Variants in TRIM34 observed in about 807,000 individuals in gnomAD.
TRIM34 encodes the protein tripartite motif containing 34, also known as E3 ubiquitin-protein ligase TRIM34.
A neutral mutation model predicts 38.1 loss-of-function variants in TRIM34; 41 were observed. The observed-to-expected ratio is 1.08, with a 90% CI of 0.84 to 1.40. The LOEUF (loss-of-function observed/expected upper bound fraction) is 1.40, where lower values mean the gene tolerates loss of function less well. Among genes scored for constraint, TRIM34 ranks in the 40% most tolerant of loss-of-function variants. The probability of loss-of-function intolerance (pLI) is 0.00; values close to 1 mark genes in which losing one functional copy is unlikely to be tolerated. For synonymous variants in TRIM34, 200 were observed against 202.5 expected (o/e 0.99, Z 0.10); for missense variants, 556 against 571.4 (o/e 0.97, Z 0.27).
chr11:5,641,909 C>T (rs1028243917), intron 5 of TRIM34, among the ~76,000 whole-genome samples: 3 of 152,178 alleles, frequency 2.0e-5, no homozygotes, highest in East Asian at 1.9e-4. Context: ...AAATATGCGC[C>T]ATTCCACTGG....
intron 4 of TRIM34, among the ~76,000 whole-genome samples, chr11:5,640,200 C>T (rs1849946207): frequency 6.6e-6 from 1 of 152,104 alleles, no homozygotes; most frequent in African/African-American, 2.4e-5. Context: ...CTTTTCTGAT[C>T]TTCGGGAAAA....
At chr11:5,620,376 A>G (rs1272237143), upstream of TRIM34, among the ~76,000 whole-genome samples, 1 of 150,718 alleles carries the variant, frequency 6.6e-6, no homozygotes, top group African/African-American at 2.4e-5. Flanking sequence ...ACGGGGTTTC[A>G]CCATGTTGGC....
intron 4 of TRIM34, among the ~76,000 whole-genome samples, chr11:5,635,405 C>T (rs1849694160): frequency 6.6e-6 from 1 of 152,030 alleles, no homozygotes; most frequent in African/African-American, 2.4e-5. Flanking sequence ...CAGGCACCCA[C>T]CACCACGTCT....
chr11:5,643,790 C>T lies in TRIM34; in HGVS notation c.*81C>T. ...CTCATCTGCAACATTCACACCATTG[C>T]TTCCTTGTGGTTTCCCTTCTTTAGA... is the stretch of plus-strand genomic sequence containing the variant. On this transcript the variant is annotated 3_prime_UTR_variant, in exon 8 of 8. Transcript: ENST00000429814. 1 of 1,498,772 alleles carries T rather than the reference C, an allele frequency of 6.7e-7. No individual in the cohort carries two copies. The highest frequency in any genetic ancestry group is 8.9e-7 in the Non-Finnish European group (1 of 1,124,090). The allele number at this position is 1,498,772 out of a possible 1,614,324, so 92.8% of individuals were successfully genotyped here.
At position 5,643,151 on chromosome 11, in the gene TRIM34, C is replaced by A; in HGVS notation, c.909C>A (p.Val303=). The A allele has an allele frequency of 1.3e-6, 2 of 1,496,384 alleles. No homozygotes were observed. The highest frequency in any genetic ancestry group is 2.9e-5 in the South Asian group (2 of 69,180). 92.7% of individuals were successfully genotyped at this position (1,496,384 alleles called of 1,614,324 possible). A position where few individuals can be genotyped will look rare whatever the true frequency, so the allele number is the denominator to read the frequency against. The change falls in exon 8 of 8, where the codon GTC becomes GTA. Residue 303 remains valine, a synonymous_variant. Coordinates refer to ENST00000429814, the MANE Select transcript of TRIM34 (RefSeq NM_021616.6). ...LTAVRCYWVD[V]TLNSVNLNLN... ...TTTTTTTTTTTCTTGCAGTGGATGT[C>A]ACACTGAATTCAGTCAACCTAAATT...
In TRIM34 at chr11:5,643,516, C is replaced by A. The variant is rs148404455; in HGVS notation, c.1274C>A (p.Ser425Tyr). The A allele has an allele frequency of 8.2e-4, 1,320 of 1,614,182 alleles. 16 individuals are homozygous for A. In the South Asian group the frequency reaches 0.011, roughly 13 times the overall value. ...TCTGATCCCGAGGTTTTGACTCTCT[C>A]CATGGCTGTGCCTCCCTGCCGTGTT... The part of the protein sequence containing the change: ...LSSDPEVLTL[S>Y]MAVPPCRVGV... The change falls in exon 8 of 8, where the codon TCC (serine) becomes TAC (tyrosine). Residue 425 changes from serine to tyrosine, a missense_variant. Transcript: ENST00000429814.
Position 5,643,259 on chromosome 11 carries a change from G to A in TRIM34, c.1017G>A (p.Leu339=). 7.4e-6 allele frequency: 12 copies of A among 1,613,874 alleles called. No individual in the cohort carries two copies. Among genetic ancestry groups the A allele is most frequent in the Non-Finnish European group, 9.3e-6 (11 of 1,179,968 alleles). The stretch of plus-strand genomic sequence containing the variant: ...TTCAGTGTTATAATTATGGTGTCTT[G>A]GGATCCCAATATTTCTCCTCTGGGA... ...WPFQCYNYGV[L]GSQYFSSGKH... Residue 339 remains leucine (L), a synonymous_variant, in exon 8 of 8, where the codon TTG becomes TTA. Transcript: ENST00000429814.
Position 5,634,522 on chromosome 11 carries a change from C to CAT in TRIM34, c.520-108_520-107insTA, listed in dbSNP as rs1430572698. On this transcript the variant is annotated intron_variant, in intron 3 of 7. Transcript: ENST00000429814. Reference sequence around the variant, plus strand: ...ACACACACACACACACACACACACACACACACACATATATATATATATATA... The same window carrying CAT: ...ACACACACACACACACACACACACACATACACACACATATATATATATATATA... The CAT allele has an allele frequency of 1.2e-4, 82 of 662,922 alleles. No homozygotes were observed. In the African/African-American group the frequency reaches 1.7e-3, roughly 13 times the overall value. The allele number at this position is 662,922 out of a possible 1,614,324, so 41.1% of individuals were successfully genotyped here.
chr11:5,630,710 C>A (rs1157786452), intron 1 of TRIM34, among the ~76,000 whole-genome samples: 1 of 152,162 alleles, frequency 6.6e-6, no homozygotes, highest in Admixed American at 6.5e-5. Context: ...CTCTATTTAG[C>A]ACATTATTTG....
At position 5,637,399 on chromosome 11, in the gene TRIM34, C is replaced by A. The variant is rs182268222; in HGVS notation, c.750+2538C>A. 2.4e-3 allele frequency among the ~76,000 whole-genome samples: 360 copies of A among 152,272 alleles called. 3 individuals carry two copies. Among genetic ancestry groups the A allele is most frequent in the African/African-American group, 8.2e-3 (342 of 41,548 alleles). ...AGAACGATCTAGACAGAAAGACGCT[C>A]AACTTGAAAACTGATGCAAAAATTA... On this transcript the variant is annotated intron_variant, in intron 4 of 7. Transcript: ENST00000429814.
intron 3 of TRIM34, 43 bp downstream of exon 3, chr11:5,633,942 C>G: frequency 6.2e-7 from 1 of 1,606,712 alleles, no homozygotes; most frequent in Non-Finnish European, 8.5e-7. Flanking sequence ...GGAATCTTGA[C>G]AGGACCTTAA....
At chr11:5,634,522 CACACACACATATAT>C in intron 3 of TRIM34, 95 bp from the exon 4 acceptor site, 1 of 662,902 alleles carries the variant, frequency 1.5e-6, no homozygotes, top group African/African-American at 2.2e-5. Flanking sequence ...CACACACACA[CACACACACATATAT>C]ATATATATAT....
intron 1 of TRIM34, among the ~76,000 whole-genome samples, chr11:5,628,512 C>CT (rs1261169616): frequency 6.6e-6 from 1 of 152,192 alleles, no homozygotes; most frequent in Non-Finnish European, 1.5e-5. Flanking sequence ...CAACTTTCAG[C>CT]TTTTTTTCCT....
intron 3 of TRIM34, 137 bp from the exon 4 acceptor site, chr11:5,634,488 TAAATAC>T (rs1849623545): frequency 2.4e-6 from 1 of 418,790 alleles, no homozygotes. Flanking sequence ...ACAGATAATA[TAAATAC>T]ACACACACAC....
intron 4 of TRIM34, among the ~76,000 whole-genome samples, chr11:5,639,051 T>C (rs1226543752): frequency 3.3e-5 from 5 of 152,136 alleles, no homozygotes; most frequent in African/African-American, 1.2e-4. Context: ...CTTGGAAAGT[T>C]TCTTAATCTT....
chr11:5,620,048 CT>C (rs1848923085), upstream of TRIM34: 1 of 150,816 alleles, frequency 6.6e-6, no homozygotes, highest in East Asian at 2.0e-4. Context: ...GCTGTTTATT[CT>C]GTGTTTACCT....
rs750515766 is a variant in TRIM34, at chr11:5,632,690, A to G, written c.359A>G (p.Glu120Gly). 8.7e-5 allele frequency: 141 copies of G among 1,612,332 alleles called. No individual in the cohort carries two copies. Among genetic ancestry groups the G allele is most frequent in the Non-Finnish European group, 1.1e-4 (135 of 1,179,756 alleles). The change falls in exon 2 of 8, where the codon GAG (glutamate) becomes GGG (glycine). Residue 120 changes from glutamate (E) to glycine (G), a missense_variant. By Grantham distance (98) the Glu-to-Gly change is moderately conservative (BLOSUM62 -2). Transcript: ENST00000429814. ...AGGAAAGTCATTTGCTGGCTTTGTG[A>G]GCGGTCTCAGGAGCACCGTGGTCAC... The part of the protein sequence containing the change: ...EDRKVICWLC[E>G]RSQEHRGHHT...
rs1210693748 is a variant in TRIM34, at chr11:5,630,869, G to T, written c.-77-1386G>T. On this transcript the variant is annotated intron_variant, in intron 1 of 7. Transcript: ENST00000429814. ...ACCATCTGTTCATTACTCAACTTTG[G>T]ATTTTAATCCATTTCCTGAATTTTA... 5.9e-5 allele frequency among the ~76,000 whole-genome samples: 9 copies of T among 152,166 alleles called. No homozygotes were observed. In the South Asian group the frequency reaches 1.7e-3, roughly 28 times the overall value.
intron 4 of TRIM34, among the ~76,000 whole-genome samples, chr11:5,637,876 T>C (rs1849813500): frequency 6.6e-6 from 1 of 152,240 alleles, no homozygotes; most frequent in African/African-American, 2.4e-5. Flanking sequence ...TAAGGGTCTG[T>C]TGCATAATGC....
Sources: allele counts gnomAD v4.1 joint callset (sites outside exome capture counted in the v4.1 genomes callset), GRCh38; gene constraint gnomAD v4.1.1; transcripts MANE v1.5; gene names NCBI Gene and HGNC (gene_info 2026-07-23, HGNC 2026-07-21).